Variants in MEAK7 observed in about 807,000 individuals in gnomAD.
The protein encoded by MEAK7 is MTOR-associated protein MEAK7.
MEAK7 carries 68 observed loss-of-function variants against 40.5 expected under a neutral mutation model. That is an observed-to-expected ratio of 1.68 (90% CI 1.38 to 2.06). MEAK7 has a LOEUF of 2.06. Ranked by LOEUF, MEAK7 falls within the 30% of genes most tolerant of loss-of-function variation. The pLI, the probability that MEAK7 is intolerant of heterozygous loss-of-function variation, is 0.00. For synonymous variants in MEAK7, 338 were observed against 231.9 expected, an observed-to-expected ratio of 1.46 and a Z score of -4.16; for missense variants, 918 against 580.5, an observed-to-expected ratio of 1.58 and a Z score of -5.98.
Position 84,504,631 on chromosome 16 carries a change from G to T in MEAK7, c.-56C>A, listed in dbSNP as rs1274178210. 4.1e-6 allele frequency: 4 copies of T among 985,480 alleles called. No individual in the cohort carries two copies. In the African/African-American group the frequency reaches 7.0e-5, roughly 17 times the overall value. 61.0% of individuals were successfully genotyped at this position (985,480 alleles called of 1,614,324 possible). On this transcript the variant is annotated 5_prime_UTR_variant, in exon 1 of 8. Transcript: ENST00000343629. ...CGGGCTTCCTGGTGCTGTCCGGTCC[G>T]GTCCAGCAGCCCACGGGCTCCTCTC... is the stretch of plus-strand genomic sequence containing the variant.
chr16:84,498,030 C>G lies in MEAK7; in HGVS notation c.57G>C (p.Glu19Asp). ...GRSFCSQFLP[E>D]EQAEIDQLFD... ...ACAATTGATCAATCTCTGCCTGTTC[C>G]TCAGGAAGAAACTGTGAACAAAAGC... The change falls in exon 2 of 8, where the codon GAG (glutamate) becomes GAC (aspartate). Residue 19 changes from glutamate (E) to aspartate (D), a missense_variant. Transcript: ENST00000343629. 2 of 1,614,176 alleles carry G rather than the reference C, an allele frequency of 1.2e-6. No individual in the cohort carries two copies. The highest frequency in any genetic ancestry group is 1.1e-5 in the South Asian group (1 of 91,074).
chr16:84,490,340 C>A (rs1913462856), intron 3 of MEAK7, among the ~76,000 whole-genome samples: 1 of 151,128 alleles, frequency 6.6e-6, no homozygotes. Flanking sequence ...ATTTTGACTG[C>A]CTTGAGGGGC....
At chr16:84,492,503 G>T (rs1036840992) in intron 3 of MEAK7, among the ~76,000 whole-genome samples, 3 of 151,768 alleles carry the variant, frequency 2.0e-5, no homozygotes, top group Admixed American at 6.6e-5. Flanking sequence ...CTTTGAGTTA[G>T]CACTTTGGCT....
intron 3 of MEAK7, among the ~76,000 whole-genome samples, chr16:84,489,669 C>T (rs911983810): frequency 6.6e-6 from 1 of 152,116 alleles, no homozygotes; most frequent in Non-Finnish European, 1.5e-5. Flanking sequence ...TAGGACTCCC[C>T]GAGGATGGAC....
intron 2 of MEAK7, chr16:84,497,545 G>T: frequency 7.7e-7 from 1 of 1,293,172 alleles, no homozygotes; most frequent in South Asian, 1.2e-5. Context: ...CGTGGTTCAA[G>T]AGACACACGA....
At chr16:84,482,750 C>G in intron 5 of MEAK7, 40 bp from the exon 6 acceptor site, 1 of 1,610,768 alleles carries the variant, frequency 6.2e-7, no homozygotes, top group Non-Finnish European at 8.5e-7. Flanking sequence ...GGGTCGGTGT[C>G]TGAGCCGGTC....
At chr16:84,494,936 C>G (rs1344639288) in intron 3 of MEAK7, 1 of 411,628 alleles carries the variant, frequency 2.4e-6, no homozygotes, top group Non-Finnish European at 4.7e-6. Flanking sequence ...CTGCCTTTCC[C>G]TTTGTTCCTA....
At position 84,497,979 on chromosome 16, in the gene MEAK7, G is replaced by C. The variant is rs1328887699; in HGVS notation, c.108C>G (p.Asn36Lys). ...AGGATTTGGATGAGACATTCGGGCT[G>C]TTTTTATCTGATGACAGAGCATCAA... ...QLFDALSSDK[N>K]SPNVSSKSFS... The change falls in exon 2 of 8, where the codon AAC becomes AAG. Residue 36 changes from asparagine (N) to lysine (K), a missense_variant. Coordinates refer to ENST00000343629, the MANE Select transcript of MEAK7 (RefSeq NM_020947.4). 1 of 1,614,188 alleles carries C rather than the reference G, an allele frequency of 6.2e-7. No homozygotes were observed. The highest frequency in any genetic ancestry group is 8.5e-7 in the Non-Finnish European group (1 of 1,180,030).
Position 84,482,729 on chromosome 16 carries a change from C to G in MEAK7, c.959-19G>C, listed in dbSNP as rs1053406741. ...TTGTCCCCTGAAAGTAGCCAGAGAA[C>G]AAAACAAACAGGGTCGGTGTCTGAG... On this transcript the variant is annotated intron_variant, in intron 5 of 7. Transcript: ENST00000343629. The G allele has an allele frequency of 1.2e-6, 2 of 1,613,580 alleles. No individual in the cohort carries two copies. Among genetic ancestry groups the G allele is most frequent in the Non-Finnish European group, 8.5e-7 (1 of 1,179,758 alleles).
intron 4 of MEAK7, among the ~76,000 whole-genome samples, chr16:84,489,029 A>G (rs1597942822): frequency 6.6e-6 from 1 of 152,260 alleles, no homozygotes; most frequent in East Asian, 1.9e-4. Flanking sequence ...AAAACCCTTT[A>G]GCTAGACTAA....
chr16:84,504,173 C>G, intron 1 of MEAK7: 2 of 985,446 alleles, frequency 2.0e-6, no homozygotes, highest in Non-Finnish European at 2.4e-6. Context: ...TGGGTGTGGT[C>G]AGAATACAAG....
rs765572366 is a variant in MEAK7, at chr16:84,482,676, G to A, written c.993C>T (p.Pro331=). 3 of 1,614,118 alleles carry A rather than the reference G, an allele frequency of 1.9e-6. No individual in the cohort carries two copies. The highest frequency in any genetic ancestry group is 1.3e-5 in the African/African-American group (1 of 74,938). ...DNRCFLFSIC[P]SMAVYTHTGY... ...CCGTGTGTGTGTACACAGCCATGCT[G>A]GGGCAGATGGAGAACAGGAAGCATC... The change falls in exon 6 of 8, where the codon CCC becomes CCT. Residue 331 remains proline (P), a synonymous_variant. Coordinates refer to ENST00000343629, the MANE Select transcript of MEAK7 (RefSeq NM_020947.4).
intron 5 of MEAK7, among the ~76,000 whole-genome samples, chr16:84,484,733 T>C (rs9929468): frequency 0.027 from 4,074 of 152,286 alleles, 218 homozygotes; most frequent in African/African-American, 0.094. Flanking sequence ...TTAGAGGTCA[T>C]TATTTCCAGG....
At chr16:84,500,311 G>A (rs1416925030) in intron 1 of MEAK7, among the ~76,000 whole-genome samples, 2 of 152,142 alleles carry the variant, frequency 1.3e-5, no homozygotes, top group Non-Finnish European at 2.9e-5. Flanking sequence ...AATTTCCAGT[G>A]TCGACACCTA....
In MEAK7 at chr16:84,489,275, T is replaced by A; in HGVS notation, c.529+3A>T. On this transcript the variant is annotated splice_donor_region_variant and intron_variant, in intron 4 of 7. Transcript: ENST00000343629. Reference sequence around the variant, plus strand: ...CTGCATCACCGCGTCCACGCACACTTGCCTTGCAGCTTCATGTCAGAGAGC... The same window carrying A: ...CTGCATCACCGCGTCCACGCACACTAGCCTTGCAGCTTCATGTCAGAGAGC... The A allele has an allele frequency of 6.2e-7, 1 of 1,613,892 alleles. No homozygotes were observed. The highest frequency in any genetic ancestry group is 8.5e-7 in the Non-Finnish European group (1 of 1,179,880).
chr16:84,501,105 G>GAAAAAAA (rs35447624), intron 1 of MEAK7, among the ~76,000 whole-genome samples: 2 of 103,632 alleles, frequency 1.9e-5, no homozygotes, highest in Non-Finnish European at 1.8e-5. Context: ...AAAAAAAAAA[G>GAAAAAAA]AAAAAAAAAA....
At chr16:84,502,556 G>A (rs1914591501) in intron 1 of MEAK7, among the ~76,000 whole-genome samples, 1 of 152,032 alleles carries the variant, frequency 6.6e-6, no homozygotes, top group Non-Finnish European at 1.5e-5. Flanking sequence ...CATGTACCCA[G>A]GTGTACTGTG....
intron 1 of MEAK7, among the ~76,000 whole-genome samples, chr16:84,498,580 T>G (rs894806593): frequency 6.6e-6 from 1 of 152,046 alleles, no homozygotes; most frequent in Non-Finnish European, 1.5e-5. Flanking sequence ...TAGCTAATAT[T>G]GTTTTGATGT....
chr16:84,495,892 G>A lies in MEAK7; in HGVS notation c.175C>T (p.Pro59Ser), dbSNP rs952746710. The A allele has an allele frequency of 1.2e-6, 2 of 1,613,952 alleles. No individual in the cohort carries two copies. Among genetic ancestry groups the A allele is most frequent in the Non-Finnish European group, 1.7e-6 (2 of 1,180,038 alleles). Residue 59 changes from proline to serine, a missense_variant, in exon 3 of 8, where the codon CCC becomes TCC. Coordinates refer to ENST00000343629, the MANE Select transcript of MEAK7 (RefSeq NM_020947.4). ...ALQNHVGEAL[P>S]PEMVTRLYDG... ...TACAGCCTGGTGACCATCTCTGGGGGAAGAGCTTCCCCGACGTGGTTCTGC... is the reference window on the plus strand; with the variant it reads ...TACAGCCTGGTGACCATCTCTGGGGAAAGAGCTTCCCCGACGTGGTTCTGC...
Sources: gnomAD v4.1 joint callset for allele counts (sites outside exome capture counted in the v4.1 genomes callset) on GRCh38, gnomAD v4.1.1 for gene constraint, MANE v1.5 for transcripts, NCBI Gene and HGNC (gene_info 2026-07-23, HGNC 2026-07-21) for gene names.